The following LONP2 variants were observed in gnomAD, a reference collection of about 807,000 sequenced individuals.
LONP2 encodes the protein lon peptidase 2, peroxisomal, also known as lon protease homolog 2, peroxisomal.
A neutral mutation model predicts 85.6 loss-of-function variants in LONP2; 60 were observed. The ratio of observed to expected loss-of-function variants is 0.70; its 90% CI spans 0.57 to 0.87. LONP2 has a LOEUF of 0.87. LONP2 is among the 40% of genes least tolerant of loss of function. The pLI, the probability that LONP2 is intolerant of heterozygous loss-of-function variation, is 0.00. For missense variants in LONP2, 860 were observed against 1,063.5 expected, an observed-to-expected ratio of 0.81 and a Z score of 2.66; for synonymous variants, 395 against 389.7, an observed-to-expected ratio of 1.01 and a Z score of -0.16.
rs2151039697 is a variant in LONP2, at chr16:48,356,333, A to G, written c.*4531A>G. On this transcript the variant is annotated 3_prime_UTR_variant, in exon 15 of 15. Transcript: ENST00000285737. Reference sequence around the variant, plus strand: ...GTCAACTTGACTATTACTAAGGGACATTTTGCTACAAAGAATGTTAGTTTT... The same window carrying G: ...GTCAACTTGACTATTACTAAGGGACGTTTTGCTACAAAGAATGTTAGTTTT... 6.5e-6 allele frequency: 1 copy of G among 153,756 alleles called. No individual in the cohort carries two copies. Among genetic ancestry groups the G allele is most frequent in the Admixed American group, 6.5e-5 (1 of 15,382 alleles). The allele number at this position is 153,756 out of a possible 1,614,324, so 9.5% of individuals were successfully genotyped here.
chr16:48,250,943 C>T (rs1380416463), intron 1 of LONP2, among the ~76,000 whole-genome samples: 1 of 152,134 alleles, frequency 6.6e-6, no homozygotes, highest in Admixed American at 6.5e-5. Flanking sequence ...TTTATCTTCT[C>T]AGTTGTTTGG....
In LONP2 at chr16:48,356,756, C is replaced by T. The variant is rs761576008; in HGVS notation, c.*4954C>T. On this transcript the variant is annotated 3_prime_UTR_variant, in exon 15 of 15. Coordinates refer to ENST00000285737, the MANE Select transcript of LONP2 (RefSeq NM_031490.5). ...TTTAAAAGTTACAGCAAAAGGACTT[C>T]TAAAACAATTTTAGGAAAAGCTTTG... is the stretch of plus-strand genomic sequence containing the variant. 3.2e-6 allele frequency: 1 copy of T among 313,184 alleles called. No individual in the cohort carries two copies. 19.4% of individuals were successfully genotyped at this position (313,184 alleles called of 1,614,324 possible). A position where few individuals can be genotyped will look rare whatever the true frequency, so the allele number is the denominator to read the frequency against.
At chr16:48,283,438 T>C (rs1433778667) in intron 8 of LONP2, among the ~76,000 whole-genome samples, 1 of 152,204 alleles carries the variant, frequency 6.6e-6, no homozygotes, top group East Asian at 1.9e-4. Flanking sequence ...TGTTAGGGGC[T>C]AATGCAGCTG....
At chr16:48,334,545 G>T in intron 12 of LONP2, 187 bp downstream of exon 12, 1 of 725,406 alleles carries the variant, frequency 1.4e-6, no homozygotes, top group Non-Finnish European at 2.4e-6. Context: ...GCATGGGGGC[G>T]CAGGCGAGCA....
intron 2 of LONP2, among the ~76,000 whole-genome samples, chr16:48,254,637 A>G (rs911686250): frequency 2.0e-5 from 3 of 152,050 alleles, no homozygotes; most frequent in African/African-American, 7.2e-5. Context: ...CCATCTCTGA[A>G]TTTTAAAATT....
intron 7 of LONP2, among the ~76,000 whole-genome samples, chr16:48,277,067 C>T (rs780573632): frequency 9.9e-5 from 15 of 152,098 alleles, no homozygotes; most frequent in Non-Finnish European, 1.8e-4. Flanking sequence ...ACTTAAGTGT[C>T]GTGTTTCTTC....
At chr16:48,293,689 T>C (rs1474981137) in intron 8 of LONP2, among the ~76,000 whole-genome samples, 1 of 152,204 alleles carries the variant, frequency 6.6e-6, no homozygotes, top group African/African-American at 2.4e-5. Context: ...GGTGAAAAGA[T>C]ACTGGGTTAG....
intron 5 of LONP2, among the ~76,000 whole-genome samples, chr16:48,262,226 AAT>A: frequency 6.6e-6 from 1 of 152,326 alleles, no homozygotes; most frequent in African/African-American, 2.4e-5. Context: ...TTTGTTATTA[AAT>A]ATATGATATT....
chr16:48,276,053 T>C (rs140109755), intron 7 of LONP2, among the ~76,000 whole-genome samples: 159 of 152,296 alleles, frequency 1.0e-3, no homozygotes, highest in African/African-American at 3.6e-3. Context: ...CCTACCACTC[T>C]TAAAAATCAG....
At chr16:48,262,673 AC>A in intron 5 of LONP2, 104 bp from the exon 6 acceptor site, 1 of 645,118 alleles carries the variant, frequency 1.6e-6, no homozygotes, top group Non-Finnish European at 2.7e-6. Flanking sequence ...ATTTGTTTAA[AC>A]ATGCATGATA....
intron 8 of LONP2, among the ~76,000 whole-genome samples, chr16:48,287,364 C>G (rs879361502): frequency 1.3e-5 from 2 of 152,200 alleles, no homozygotes; most frequent in Non-Finnish European, 2.9e-5. Flanking sequence ...ATCTCATTTC[C>G]CAGTTTTTCC....
rs544594223 is a variant in LONP2, at chr16:48,340,100, G to A, written c.1938+5742G>A. ...AAGGAGCAGAGTTTAGAATCTTCCT[G>A]AATGTCAGAGACAGTGAAGAGAGAG... On this transcript the variant is annotated intron_variant, in intron 12 of 14. Transcript: ENST00000285737. 1.0e-3 allele frequency among the ~76,000 whole-genome samples: 153 copies of A among 152,306 alleles called. 7 individuals are homozygous for A. The highest frequency in any genetic ancestry group is 5.4e-3 in the South Asian group (26 of 4,830).
intron 2 of LONP2, among the ~76,000 whole-genome samples, chr16:48,254,931 A>T (rs745354710): frequency 1.4e-4 from 22 of 152,226 alleles, no homozygotes; most frequent in Non-Finnish European, 2.5e-4. Context: ...AGGGTATTCA[A>T]ATTTTATTAT....
Position 48,277,449 on chromosome 16 carries a change from A to G in LONP2, c.1353A>G (p.Leu451=), listed in dbSNP as rs762676794. 4 of 1,613,922 alleles carry G rather than the reference A, an allele frequency of 2.5e-6. No individual in the cohort carries two copies. Among genetic ancestry groups the G allele is most frequent in the Non-Finnish European group, 2.5e-6 (3 of 1,179,868 alleles). Residue 451 remains leucine (L), a synonymous_variant, in exon 8 of 15, where the codon CTA becomes CTG. Coordinates refer to ENST00000285737, the MANE Select transcript of LONP2 (RefSeq NM_031490.5). ...AGGTTGACAAACTGGGAAAAAGTCT[A>G]CAGGGTGATCCAGCAGCAGCTCTGC... ...LDEVDKLGKS[L]QGDPAAALLE...
chr16:48,303,079 G>A (rs1972839326), intron 10 of LONP2, 93 bp from the exon 11 acceptor site: 3 of 1,397,610 alleles, frequency 2.1e-6, no homozygotes, highest in African/African-American at 1.4e-5. Context: ...ACTTTTAAAT[G>A]TACACTGTTT....
rs1436979051 is a variant in LONP2, at chr16:48,347,638, G to A, written c.2070G>A (p.Gly690=). Residue 690 remains glycine (G), a synonymous_variant, in exon 13 of 15, where the codon GGG becomes GGA. Transcript: ENST00000285737. The part of the protein sequence containing the change: ...EGQLTLTGQL[G]DVMKESAHLA... The stretch of plus-strand genomic sequence containing the variant: ...AGTTAACTCTGACCGGCCAGCTCGG[G>A]GACGTGATGAAGGAGTCCGCCCACC... 3 of 1,614,136 alleles carry A rather than the reference G, an allele frequency of 1.9e-6. No individual in the cohort carries two copies. The highest frequency in any genetic ancestry group is 1.1e-5 in the South Asian group (1 of 91,094).
chr16:48,318,207 C>G (rs1379136963), intron 11 of LONP2, among the ~76,000 whole-genome samples: 1 of 152,036 alleles, frequency 6.6e-6, no homozygotes. Context: ...GGCTTGCTTT[C>G]CAGACAACCT....
intron 11 of LONP2, among the ~76,000 whole-genome samples, chr16:48,326,727 T>C (rs1276672230): frequency 6.6e-6 from 1 of 152,190 alleles, no homozygotes; most frequent in African/African-American, 2.4e-5. Flanking sequence ...AAGGAACTTT[T>C]TTATTTTTTA....
Position 48,273,767 on chromosome 16 carries a change from AAAG to A in LONP2, c.1241+3496_1241+3498del, listed in dbSNP as rs541304111. Among the ~76,000 whole-genome samples, 665 of 152,270 alleles carry A rather than the reference AAAG, an allele frequency of 4.4e-3. 4 individuals are homozygous for A. The highest frequency in any genetic ancestry group is 0.015 in the African/African-American group (629 of 41,574). On this transcript the variant is annotated intron_variant, in intron 7 of 14. Transcript: ENST00000285737. ...TTGTTTTTCATTTGTTCTTTGGTAA[AAAG>A]AAATAATATATTATTGTTATGATAT...
Sources: gnomAD v4.1 joint callset for allele counts (sites outside exome capture counted in the v4.1 genomes callset) on GRCh38, gnomAD v4.1.1 for gene constraint, MANE v1.5 for transcripts, NCBI Gene and HGNC (gene_info 2026-07-23, HGNC 2026-07-21) for gene names.